Variants in DYNC2H1 observed in about 807,000 individuals in gnomAD.
The protein encoded by DYNC2H1 is cytoplasmic dynein 2 heavy chain 1.
A neutral mutation model predicts 570.0 loss-of-function variants in DYNC2H1; 410 were observed. That is an observed-to-expected ratio of 0.72 (90% CI 0.66 to 0.78). DYNC2H1 has a LOEUF of 0.78. Ranked by LOEUF, DYNC2H1 falls within the 30% of genes least tolerant of loss-of-function variation. DYNC2H1 has a pLI of 0.00. For synonymous variants in DYNC2H1, 1,688 were observed against 1,677.6 expected (o/e 1.01, Z -0.15); for missense variants, 4,865 against 5,046.4 (o/e 0.96, Z 1.09).
At chr11:103,400,676 C>G (rs1942601854) in intron 84 of DYNC2H1, among the ~76,000 whole-genome samples, 1 of 151,442 alleles carries the variant, frequency 6.6e-6, no homozygotes, top group Non-Finnish European at 1.5e-5. Context: ...TTTTCACGCC[C>G]CCTTGCTGTT....
intron 84 of DYNC2H1, among the ~76,000 whole-genome samples, chr11:103,430,858 T>C (rs149972995): frequency 6.6e-6 from 1 of 152,318 alleles, no homozygotes; most frequent in Non-Finnish European, 1.5e-5. Context: ...TTGAATTTGA[T>C]ATACTCTACC....
At chr11:103,176,480 T>G in intron 37 of DYNC2H1, 46 bp downstream of exon 37, 1 of 1,341,152 alleles carries the variant, frequency 7.5e-7, no homozygotes, top group Non-Finnish European at 9.7e-7. Context: ...CTTTTCCTAG[T>G]TGATTCCTTA....
At chr11:103,248,701 G>A (rs1864716564) in intron 65 of DYNC2H1, among the ~76,000 whole-genome samples, 1 of 151,946 alleles carries the variant, frequency 6.6e-6, no homozygotes, top group Non-Finnish European at 1.5e-5. Flanking sequence ...TGCACTTTCT[G>A]TCATAATACA....
intron 83 of DYNC2H1, among the ~76,000 whole-genome samples, chr11:103,373,573 C>G (rs1941267431): frequency 6.6e-6 from 1 of 152,204 alleles, no homozygotes; most frequent in Non-Finnish European, 1.5e-5. Flanking sequence ...GATATGATCT[C>G]TCTCTTCCTA....
intron 73 of DYNC2H1, among the ~76,000 whole-genome samples, chr11:103,284,990 C>T (rs945402545): frequency 1.3e-5 from 2 of 152,006 alleles, no homozygotes; most frequent in Non-Finnish European, 1.5e-5. Context: ...GAATATTGAA[C>T]GTGGAATAGA....
At chr11:103,392,335 A>G (rs1432987658) in intron 83 of DYNC2H1, among the ~76,000 whole-genome samples, 1 of 152,190 alleles carries the variant, frequency 6.6e-6, no homozygotes, top group Admixed American at 6.5e-5. Flanking sequence ...GCCGTTTGCT[A>G]AGACCGTTGG....
At chr11:103,381,816 C>T (rs1941660073) in intron 83 of DYNC2H1, among the ~76,000 whole-genome samples, 1 of 152,168 alleles carries the variant, frequency 6.6e-6, no homozygotes, top group Non-Finnish European at 1.5e-5. Flanking sequence ...ATGTTAGTGA[C>T]TATATTTTTT....
intron 63 of DYNC2H1, among the ~76,000 whole-genome samples, chr11:103,240,873 G>C (rs1864400072): frequency 6.6e-6 from 1 of 152,102 alleles, no homozygotes. Context: ...ATAAAAAGCT[G>C]ATCATGATCA....
chr11:103,197,798 A>C (rs1239176864), intron 47 of DYNC2H1, 135 bp from the exon 48 acceptor site: 22 of 942,786 alleles, frequency 2.3e-5, no homozygotes, highest in African/African-American at 6.7e-5. Flanking sequence ...TACACTTTAA[A>C]GTATTTTGCC....
chr11:103,230,002 A>G (rs1372228765), intron 59 of DYNC2H1, among the ~76,000 whole-genome samples: 1 of 152,104 alleles, frequency 6.6e-6, no homozygotes, highest in African/African-American at 2.4e-5. Context: ...CAGATTTTTA[A>G]ACTCCACCCA....
chr11:103,139,870 C>G (rs1591303076), intron 17 of DYNC2H1, among the ~76,000 whole-genome samples: 1 of 152,038 alleles, frequency 6.6e-6, no homozygotes, highest in African/African-American at 2.4e-5. Context: ...GTAGGTCACT[C>G]AGGACTTGCT....
intron 82 of DYNC2H1, among the ~76,000 whole-genome samples, chr11:103,338,766 T>C (rs1939288252): frequency 1.3e-5 from 2 of 152,354 alleles, no homozygotes; most frequent in East Asian, 3.8e-4. Context: ...GACAGCTGTT[T>C]TGAATTTCCT....
intron 78 of DYNC2H1, among the ~76,000 whole-genome samples, chr11:103,311,075 T>C (rs1261210156): frequency 1.3e-5 from 2 of 152,134 alleles, no homozygotes. Context: ...GACTAATTTT[T>C]GTAGTAGGCA....
At chr11:103,110,265 G>A (rs1171406112) in intron 1 of DYNC2H1, among the ~76,000 whole-genome samples, 3 of 152,174 alleles carry the variant, frequency 2.0e-5, no homozygotes, top group East Asian at 3.9e-4. Flanking sequence ...AAGTGATCCG[G>A]CCTCCCAAAG....
At chr11:103,416,845 C>A (rs1943301774) in intron 84 of DYNC2H1, among the ~76,000 whole-genome samples, 1 of 152,054 alleles carries the variant, frequency 6.6e-6, no homozygotes, top group Non-Finnish European at 1.5e-5. Context: ...GAACAGACAA[C>A]CTATAGAATG....
chr11:103,378,631 C>G (rs1484772153), intron 83 of DYNC2H1, among the ~76,000 whole-genome samples: 1 of 152,132 alleles, frequency 6.6e-6, no homozygotes, highest in South Asian at 2.1e-4. Context: ...TGGTGTCTGG[C>G]TCAAGAGAGT....
intron 29 of DYNC2H1, among the ~76,000 whole-genome samples, chr11:103,162,660 A>G (rs1352935789): frequency 6.6e-6 from 1 of 152,106 alleles, no homozygotes; most frequent in Non-Finnish European, 1.5e-5. Flanking sequence ...TTATTGGCCA[A>G]ACTATCTGGT....
intron 69 of DYNC2H1, among the ~76,000 whole-genome samples, chr11:103,258,734 C>A (rs1419967672): frequency 6.6e-6 from 1 of 152,184 alleles, no homozygotes; most frequent in Non-Finnish European, 1.5e-5. Flanking sequence ...TTTTAAAATG[C>A]AGCCTTAGGT....
At chr11:103,250,435 A>G (rs1432280315) in intron 65 of DYNC2H1, among the ~76,000 whole-genome samples, 9 of 152,080 alleles carry the variant, frequency 5.9e-5, no homozygotes, top group Admixed American at 4.6e-4. Flanking sequence ...TTGGACTCCT[A>G]TTGATCACGT....
Sources: gnomAD v4.1 joint callset for allele counts (sites outside exome capture counted in the v4.1 genomes callset) on GRCh38, gnomAD v4.1.1 for gene constraint, MANE v1.5 for transcripts, NCBI Gene and HGNC (gene_info 2026-07-23, HGNC 2026-07-21) for gene names.